The following WDR72 variants were observed in gnomAD, a reference collection of about 807,000 sequenced individuals.
The protein encoded by WDR72 is WD repeat-containing protein 72.
WDR72 carries 120 observed loss-of-function variants against 124.2 expected under a neutral mutation model. The observed-to-expected ratio is 0.97, with a 90% CI of 0.83 to 1.12. The LOEUF (loss-of-function observed/expected upper bound fraction) is 1.12. Ranked by LOEUF, WDR72 falls within the 50% of genes most tolerant of loss-of-function variation. The pLI is 0.00. For missense variants in WDR72, 1,387 were observed against 1,278.8 expected, an observed-to-expected ratio of 1.08 and a Z score of -1.29; for synonymous variants, 452 against 441.7, an observed-to-expected ratio of 1.02 and a Z score of -0.29.
chr15:53,726,758 C>T (rs947949208), intron 2 of WDR72, among the ~76,000 whole-genome samples: 2 of 152,030 alleles, frequency 1.3e-5, no homozygotes, highest in African/African-American at 4.8e-5. Context: ...GTGGAAGAAT[C>T]GCTTGAGCTC....
intron 14 of WDR72, among the ~76,000 whole-genome samples, chr15:53,660,123 C>A (rs2015559818): frequency 6.6e-6 from 1 of 151,616 alleles, no homozygotes; most frequent in Admixed American, 6.6e-5. Context: ...AAGAATAAAT[C>A]AAAAATTTAC....
intron 14 of WDR72, among the ~76,000 whole-genome samples, chr15:53,655,699 T>G (rs2015397258): frequency 6.9e-6 from 1 of 143,994 alleles, no homozygotes. Context: ...GGACTTTGCA[T>G]TTTGTAAGTT....
intron 2 of WDR72, among the ~76,000 whole-genome samples, chr15:53,732,100 C>A (rs2018218893): frequency 6.6e-6 from 1 of 152,118 alleles, no homozygotes; most frequent in South Asian, 2.1e-4. Context: ...TGCAATAATA[C>A]CCATCCTTCC....
At chr15:53,681,012 C>T (rs2016362959) in intron 13 of WDR72, among the ~76,000 whole-genome samples, 1 of 152,200 alleles carries the variant, frequency 6.6e-6, no homozygotes, top group South Asian at 2.1e-4. Flanking sequence ...AGGACTTGAC[C>T]TTTGAATTTG....
At chr15:53,625,164 C>A (rs2014153696) in intron 14 of WDR72, among the ~76,000 whole-genome samples, 1 of 152,252 alleles carries the variant, frequency 6.6e-6, no homozygotes, top group Non-Finnish European at 1.5e-5. Context: ...AATCTGACTG[C>A]AATTTTTAAA....
chr15:53,692,618 T>C (rs989874286), intron 13 of WDR72, among the ~76,000 whole-genome samples: 1 of 152,118 alleles, frequency 6.6e-6, no homozygotes, highest in Non-Finnish European at 1.5e-5. Flanking sequence ...ACTTAAGAGA[T>C]CAAATTTTGA....
chr15:53,644,038 T>C (rs1001609141), intron 14 of WDR72, among the ~76,000 whole-genome samples: 19 of 152,192 alleles, frequency 1.2e-4, no homozygotes, highest in Non-Finnish European at 2.8e-4. Context: ...CTAATATTGT[T>C]ATCTATTGTA....
chr15:53,730,166 C>G (rs1013968232), intron 2 of WDR72, among the ~76,000 whole-genome samples: 2 of 152,054 alleles, frequency 1.3e-5, no homozygotes, highest in African/African-American at 4.8e-5. Context: ...TATATATATA[C>G]AGTGGAATAT....
rs1317844383 is a variant in WDR72 at position 53,637,584 on chromosome 15, G to T, written c.1963-21341C>A. Among the ~76,000 whole-genome samples, 3 of 152,036 alleles carry T rather than the reference G, an allele frequency of 2.0e-5. No homozygotes were observed. In the East Asian group the frequency reaches 5.8e-4, roughly 29 times the overall value. Reference sequence around the variant, plus strand: ...CTTTTTTCCTTTCCTGTCTAACTTTGCATCCCTCTTCCTTCATGTGGTCAC... The same window carrying T: ...CTTTTTTCCTTTCCTGTCTAACTTTTCATCCCTCTTCCTTCATGTGGTCAC... On this transcript the variant is annotated intron_variant, in intron 14 of 19. Transcript: ENST00000360509.
At chr15:53,724,554 T>C (rs2017966564) in intron 2 of WDR72, among the ~76,000 whole-genome samples, 1 of 151,726 alleles carries the variant, frequency 6.6e-6, no homozygotes, top group Admixed American at 6.6e-5. Context: ...AGACAGAGAG[T>C]GACGGGGGAT....
chr15:53,550,139 T>C (rs1418757112), intron 18 of WDR72, among the ~76,000 whole-genome samples: 1 of 152,218 alleles, frequency 6.6e-6, no homozygotes, highest in Non-Finnish European at 1.5e-5. Flanking sequence ...AGACACAGTC[T>C]GTGCCTTATG....
At chr15:53,719,766 G>A (rs536407016) in intron 3 of WDR72, among the ~76,000 whole-genome samples, 15 of 152,206 alleles carry the variant, frequency 9.9e-5, no homozygotes, top group African/African-American at 2.4e-4. Flanking sequence ...CTGTATTTTC[G>A]GTAGTGGGGC....
At chr15:53,668,965 G>GAGA (rs2015883626) in intron 13 of WDR72, among the ~76,000 whole-genome samples, 1 of 38,588 alleles carries the variant, frequency 2.6e-5, no homozygotes, top group South Asian at 1.7e-3. Flanking sequence ...GGAGGAGAAG[G>GAGA]AGGAGGAGGA....
chr15:53,612,008 T>C (rs2013560351), intron 16 of WDR72, among the ~76,000 whole-genome samples: 1 of 152,128 alleles, frequency 6.6e-6, no homozygotes, highest in African/African-American at 2.4e-5. Flanking sequence ...GTATCTGGGA[T>C]CACATTCCCA....
In WDR72 at chr15:53,716,957, C is replaced by T. The variant is rs1585499; in HGVS notation, c.261-272G>A. Among the ~76,000 whole-genome samples, 50,639 of 152,050 alleles carry T rather than the reference C, an allele frequency of 0.33. 10,562 individuals carry two copies. Among genetic ancestry groups the T allele is most frequent in the Middle Eastern group, 0.57 (168 of 294 alleles). On this transcript the variant is annotated intron_variant, in intron 3 of 19. Transcript: ENST00000360509. ...AATTGTGGGGATACAGCTATCACAGCCTGTTAGTGACAGTACAACAATCTT... is the reference window on the plus strand; with the variant it reads ...AATTGTGGGGATACAGCTATCACAGTCTGTTAGTGACAGTACAACAATCTT...
chr15:53,611,159 C>T (rs16966304), intron 16 of WDR72, among the ~76,000 whole-genome samples: 21,119 of 151,920 alleles, frequency 0.14, 2,273 homozygotes, highest in African/African-American at 0.3. Flanking sequence ...ATGAGCACCT[C>T]GGAGTATTAT....
chr15:53,704,482 T>C (rs555378062), intron 11 of WDR72, among the ~76,000 whole-genome samples: 3 of 151,880 alleles, frequency 2.0e-5, no homozygotes, highest in East Asian at 3.9e-4. Context: ...GAAAAAATCA[T>C]TTCTTATTGT....
Position 53,665,558 on chromosome 15 carries a change from T to G in WDR72, c.1962+14A>C, listed in dbSNP as rs1359924774. On this transcript the variant is annotated intron_variant, in intron 14 of 19. Transcript: ENST00000360509. ...ATAATGTTCTTTGTGAACAACAGCT[T>G]GATTTGAACTTACCTTACATGAAGA... is the stretch of plus-strand genomic sequence containing the variant. 2.5e-6 allele frequency: 4 copies of G among 1,613,616 alleles called. No homozygotes were observed. Among genetic ancestry groups the G allele is most frequent in the Non-Finnish European group, 3.4e-6 (4 of 1,179,678 alleles).
chr15:53,678,482 A>G (rs1348036171), intron 13 of WDR72, among the ~76,000 whole-genome samples: 1 of 152,112 alleles, frequency 6.6e-6, no homozygotes, highest in Non-Finnish European at 1.5e-5. Flanking sequence ...TTCCCGGAGC[A>G]TTCTACCCTA....
Sources: allele counts gnomAD v4.1 joint callset (sites outside exome capture counted in the v4.1 genomes callset), GRCh38; gene constraint gnomAD v4.1.1; transcripts MANE v1.5; gene names NCBI Gene and HGNC (gene_info 2026-07-23, HGNC 2026-07-21).